ARFIP1: variants seen among roughly 807,000 people sequenced by gnomAD.
The protein encoded by ARFIP1 is arfaptin-1.
Under a neutral mutation model 42.5 loss-of-function variants are expected in ARFIP1, and 24 were observed. That is an observed-to-expected ratio of 0.57 (90% CI 0.41 to 0.80). The LOEUF is 0.80. Among genes scored for constraint, ARFIP1 ranks in the 30% least tolerant of loss-of-function variants. The pLI, the probability that ARFIP1 is intolerant of heterozygous loss-of-function variation, is 0.00. For missense variants in ARFIP1, 354 were observed against 434.0 expected, an observed-to-expected ratio of 0.82 and a Z score of 1.64; for synonymous variants, 141 against 153.7, an observed-to-expected ratio of 0.92 and a Z score of 0.61.
Position 152,829,736 on chromosome 4 carries a change from C to T in ARFIP1, c.93+10C>T, listed in dbSNP as rs752569609. ...ACATAGCTTTAATAGGGTAAGAACACTTTTCTTTCTCTTAATGCAAAGAAT... is the reference window on the plus strand; with the variant it reads ...ACATAGCTTTAATAGGGTAAGAACATTTTTCTTTCTCTTAATGCAAAGAAT... On this transcript the variant is annotated intron_variant, in intron 2 of 8. Transcript: ENST00000353617. The T allele has an allele frequency of 8.1e-5, 127 of 1,562,190 alleles. No individual in the cohort carries two copies. Among genetic ancestry groups the T allele is most frequent in the Non-Finnish European group, 1.1e-4 (125 of 1,148,728 alleles).
chr4:152,872,833 T>G (rs1295502215), intron 5 of ARFIP1, among the ~76,000 whole-genome samples: 1 of 152,214 alleles, frequency 6.6e-6, no homozygotes, highest in Non-Finnish European at 1.5e-5. Context: ...GCTTTGGAAT[T>G]TATTTAGCTG....
At chr4:152,859,390 G>A (rs552075559) in intron 2 of ARFIP1, among the ~76,000 whole-genome samples, 1 of 152,244 alleles carries the variant, frequency 6.6e-6, no homozygotes, top group South Asian at 2.1e-4. Context: ...GAAAGAAAGA[G>A]TTTGATTTGG....
chr4:152,834,100 CTT>C (rs1277208382), intron 2 of ARFIP1, among the ~76,000 whole-genome samples: 1 of 152,122 alleles, frequency 6.6e-6, no homozygotes, highest in Non-Finnish European at 1.5e-5. Context: ...GTCCCAGACT[CTT>C]TTAAACAACC....
At chr4:152,817,538 T>A (rs541189784) in intron 1 of ARFIP1, among the ~76,000 whole-genome samples, 2 of 152,222 alleles carry the variant, frequency 1.3e-5, no homozygotes, top group South Asian at 4.1e-4. Flanking sequence ...TTTTCTGACA[T>A]CTGATTTGGC....
At chr4:152,801,856 A>C (rs112326907) in intron 1 of ARFIP1, among the ~76,000 whole-genome samples, 1 of 152,182 alleles carries the variant, frequency 6.6e-6, no homozygotes, top group Admixed American at 6.5e-5. Flanking sequence ...GCTGTGTTAT[A>C]TATAGGTGAG....
At chr4:152,784,902 GCCTCATTGGTC>G (rs1730709526) in intron 1 of ARFIP1, among the ~76,000 whole-genome samples, 1 of 152,226 alleles carries the variant, frequency 6.6e-6, no homozygotes, top group South Asian at 2.1e-4. Flanking sequence ...TGAAGCTTGA[GCCTCATTGGTC>G]CCTGGGGAAC....
chr4:152,830,125 A>G (rs72968463), intron 2 of ARFIP1, among the ~76,000 whole-genome samples: 347 of 152,302 alleles, frequency 2.3e-3, no homozygotes, highest in African/African-American at 7.9e-3. Context: ...TTCATTTTCT[A>G]AAGTGCCATA....
At chr4:152,902,116 C>T (rs897809273) in intron 8 of ARFIP1, among the ~76,000 whole-genome samples, 3 of 152,198 alleles carry the variant, frequency 2.0e-5, no homozygotes, top group Non-Finnish European at 4.4e-5. Context: ...TTTCCCAGAT[C>T]CCAATCCATC....
chr4:152,792,830 A>G (rs1213246436), intron 1 of ARFIP1, among the ~76,000 whole-genome samples: 1 of 152,234 alleles, frequency 6.6e-6, no homozygotes, highest in Non-Finnish European at 1.5e-5. Context: ...TGTGATTTTT[A>G]TAGTAAAATC....
At chr4:152,882,623 A>G (rs1735935161) in intron 6 of ARFIP1, 100 bp from the exon 7 acceptor site, 3 of 1,153,878 alleles carry the variant, frequency 2.6e-6, no homozygotes, top group Non-Finnish European at 3.7e-6. Context: ...CTAGATCTCT[A>G]TCTAAATCAC....
intron 1 of ARFIP1, among the ~76,000 whole-genome samples, chr4:152,785,225 C>T (rs186334862): frequency 3.9e-5 from 6 of 152,258 alleles, no homozygotes; most frequent in Admixed American, 3.3e-4. Context: ...CTGTTTAATA[C>T]CTTCTGTTTG....
chr4:152,799,160 C>T (rs1731650249), intron 1 of ARFIP1, among the ~76,000 whole-genome samples: 1 of 152,026 alleles, frequency 6.6e-6, no homozygotes, highest in Admixed American at 6.6e-5. Context: ...TACATTTTGC[C>T]AAATAATTTT....
intron 1 of ARFIP1, among the ~76,000 whole-genome samples, chr4:152,797,380 T>C (rs1487641391): frequency 6.6e-6 from 1 of 152,204 alleles, no homozygotes; most frequent in African/African-American, 2.4e-5. Context: ...GGTGTTGTAG[T>C]GTTTGATAGA....
intron 6 of ARFIP1, among the ~76,000 whole-genome samples, chr4:152,882,451 A>G (rs1335478482): frequency 6.6e-6 from 1 of 152,198 alleles, no homozygotes; most frequent in Non-Finnish European, 1.5e-5. Flanking sequence ...TGTAGAAATG[A>G]AAATATTGTT....
intron 1 of ARFIP1, among the ~76,000 whole-genome samples, chr4:152,820,871 A>G (rs1182171771): frequency 6.6e-6 from 1 of 152,244 alleles, no homozygotes; most frequent in Non-Finnish European, 1.5e-5. Context: ...ATAACCAAGG[A>G]ACTCATACAG....
chr4:152,846,651 T>C (rs1314397390), intron 2 of ARFIP1, among the ~76,000 whole-genome samples: 2 of 152,102 alleles, frequency 1.3e-5, no homozygotes, highest in Non-Finnish European at 2.9e-5. Flanking sequence ...GAGATAAAAT[T>C]TTATAGAGAA....
intron 1 of ARFIP1, among the ~76,000 whole-genome samples, chr4:152,803,957 G>GTA (rs369788156): frequency 3.1e-5 from 4 of 129,122 alleles, no homozygotes; most frequent in East Asian, 2.2e-4. Context: ...GTCTGAATGT[G>GTA]TATATATATA....
chr4:152,858,933 A>G (rs570095836), intron 2 of ARFIP1, among the ~76,000 whole-genome samples: 1 of 152,344 alleles, frequency 6.6e-6, no homozygotes, highest in African/African-American at 2.4e-5. Flanking sequence ...CAAACCTCAT[A>G]TCCAAACCAG....
chr4:152,843,946 C>T (rs10007643), intron 2 of ARFIP1, among the ~76,000 whole-genome samples: 17,738 of 152,142 alleles, frequency 0.12, 1,129 homozygotes, highest in African/African-American at 0.17. Flanking sequence ...CTTCTACCAC[C>T]GTTCAAATTG....
Sources: gnomAD v4.1 joint callset for allele counts (sites outside exome capture counted in the v4.1 genomes callset) on GRCh38, gnomAD v4.1.1 for gene constraint, MANE v1.5 for transcripts, NCBI Gene and HGNC (gene_info 2026-07-23, HGNC 2026-07-21) for gene names.